SYT9: variants seen among roughly 807,000 people sequenced by gnomAD.
The protein encoded by SYT9 is synaptotagmin 9.
In SYT9, 22 loss-of-function variants were observed where a neutral mutation model predicts 48.4. That is an observed-to-expected ratio of 0.45 (90% CI 0.32 to 0.65). The LOEUF is 0.65. Among genes scored for constraint, SYT9 ranks in the 30% least tolerant of loss-of-function variants. The probability of loss-of-function intolerance (pLI) is 0.03; values close to 1 mark genes in which losing one functional copy is unlikely to be tolerated. For missense variants in SYT9, 577 were observed against 622.0 expected, an observed-to-expected ratio of 0.93 and a Z score of 0.77; for synonymous variants, 265 against 245.0, an observed-to-expected ratio of 1.08 and a Z score of -0.76.
intron 6 of SYT9, chr11:7,440,362 G>A (rs919684682): frequency 1.5e-4 from 23 of 152,196 alleles, no homozygotes; most frequent in African/African-American, 5.3e-4. Context: ...GCACAAATGA[G>A]GAGGACCCCC....
chr11:7,351,032 T>TA (rs993245051), intron 3 of SYT9, among the ~76,000 whole-genome samples: 6 of 152,112 alleles, frequency 3.9e-5, no homozygotes, highest in African/African-American at 1.4e-4. Flanking sequence ...GATTTTGTCT[T>TA]AAAAAAAGTC....
chr11:7,268,844 A>G (rs796605133), intron 1 of SYT9, among the ~76,000 whole-genome samples: 27 of 152,228 alleles, frequency 1.8e-4, no homozygotes, highest in African/African-American at 6.5e-4. Flanking sequence ...CAGTTTTAGA[A>G]CCTTTTCAAC....
At chr11:7,267,880 A>C (rs1848218514) in intron 1 of SYT9, among the ~76,000 whole-genome samples, 2 of 151,984 alleles carry the variant, frequency 1.3e-5, no homozygotes, top group Admixed American at 1.3e-4. Context: ...CACAAATATA[A>C]AGCAAAAAGA....
At chr11:7,404,485 A>G (rs746697178) in intron 3 of SYT9, among the ~76,000 whole-genome samples, 7 of 152,040 alleles carry the variant, frequency 4.6e-5, no homozygotes, top group Non-Finnish European at 7.4e-5. Flanking sequence ...ATTTTAGCCA[A>G]TTCTTTCAGG....
intron 3 of SYT9, among the ~76,000 whole-genome samples, chr11:7,403,343 A>G (rs1846935340): frequency 6.6e-6 from 1 of 152,148 alleles, no homozygotes; most frequent in Admixed American, 6.6e-5. Context: ...TGAGCTCAGG[A>G]GTTCAAGACC....
chr11:7,380,219 T>A (rs1312571876), intron 3 of SYT9, among the ~76,000 whole-genome samples: 1 of 152,024 alleles, frequency 6.6e-6, no homozygotes, highest in African/African-American at 2.4e-5. Context: ...ATGTTCTTAT[T>A]TGTGGGATCT....
chr11:7,303,255 C>T lies in SYT9; in HGVS notation c.362C>T (p.Pro121Leu), dbSNP rs1564853964. 1.9e-6 allele frequency: 3 copies of T among 1,614,046 alleles called. No individual in the cohort carries two copies. Among genetic ancestry groups the T allele is most frequent in the Non-Finnish European group, 2.5e-6 (3 of 1,179,950 alleles). ...NSEDFLDPPT[P>L]CPDSSMKISH... is the part of the protein sequence containing the mutation. Reference sequence around the variant, plus strand: ...GAGGACTTCCTAGATCCTCCCACGCCCTGCCCTGACTCCTCCATGAAGATC... The same window carrying T: ...GAGGACTTCCTAGATCCTCCCACGCTCTGCCCTGACTCCTCCATGAAGATC... Residue 121 changes from proline (P) to leucine (L), a missense_variant, in exon 2 of 7, where the codon CCC becomes CTC. By Grantham distance (98) the Pro-to-Leu change is moderately conservative. Coordinates refer to ENST00000318881, the MANE Select transcript of SYT9 (RefSeq NM_175733.4).
intron 6 of SYT9, among the ~76,000 whole-genome samples, chr11:7,449,400 A>G (rs936792445): frequency 6.6e-6 from 1 of 151,664 alleles, no homozygotes; most frequent in Non-Finnish European, 1.5e-5. Flanking sequence ...GCATAGATGC[A>G]TGGAATGTGA....
chr11:7,370,888 G>C (rs1344761882), intron 3 of SYT9, among the ~76,000 whole-genome samples: 1 of 152,184 alleles, frequency 6.6e-6, no homozygotes, highest in Non-Finnish European at 1.5e-5. Flanking sequence ...AGTCATATGT[G>C]ATTGGGGTTT....
rs1306328371 is a variant in SYT9 at position 7,378,558 on chromosome 11, A to ACATTTGTTCCATGGTAATT, written c.1045-37484_1045-37483insCATTTGTTCCATGGTAATT. Among the ~76,000 whole-genome samples the ACATTTGTTCCATGGTAATT allele has an allele frequency of 2.2e-4, 33 of 152,052 alleles. No homozygotes were observed. The East Asian group carries it at 6.2e-3, about 29-fold the overall frequency. ...TACATGGTAATTGTGATGGAGGAAC[A>ACATTTGTTCCATGGTAATT]GTTGATGGAGATGGAAGAGGGATGA... On this transcript the variant is annotated intron_variant, in intron 3 of 6. Coordinates refer to ENST00000318881, the MANE Select transcript of SYT9 (RefSeq NM_175733.4).
intron 6 of SYT9, among the ~76,000 whole-genome samples, chr11:7,431,851 G>A (rs1847579329): frequency 6.6e-6 from 1 of 152,262 alleles, no homozygotes; most frequent in South Asian, 2.1e-4. Context: ...TGAAGGTTTA[G>A]CAGCTTCTGC....
intron 2 of SYT9, among the ~76,000 whole-genome samples, chr11:7,304,339 T>TA (rs1848996396): frequency 1.3e-5 from 2 of 152,224 alleles, no homozygotes; most frequent in South Asian, 4.1e-4. Flanking sequence ...TCACTGGATA[T>TA]AAAAACTCAT....
chr11:7,410,249 G>A (rs1847110905), intron 3 of SYT9, among the ~76,000 whole-genome samples: 1 of 152,122 alleles, frequency 6.6e-6, no homozygotes, highest in Non-Finnish European at 1.5e-5. Context: ...GAATCGTTTT[G>A]TGACCTAACA....
Position 7,323,212 on chromosome 11 carries a change from A to G in SYT9, c.1044+9271A>G, listed in dbSNP as rs113867451. 2.7e-3 allele frequency among the ~76,000 whole-genome samples: 418 copies of G among 152,226 alleles called. 3 individuals carry two copies. Among genetic ancestry groups the G allele is most frequent in the African/African-American group, 8.9e-3 (370 of 41,558 alleles). On this transcript the variant is annotated intron_variant, in intron 3 of 6. Coordinates refer to ENST00000318881, the MANE Select transcript of SYT9 (RefSeq NM_175733.4). ...ATTTCTGTAAAGTATATACCTAGGA[A>G]TGGAGTTGCTAGGTTGAAGTAAATT...
rs1278961381 is a variant in SYT9 at position 7,407,370 on chromosome 11, T to G, written c.1045-8672T>G. Among the ~76,000 whole-genome samples, 77 of 59,122 alleles carry G rather than the reference T, an allele frequency of 1.3e-3. 6 individuals carry two copies. The highest frequency in any genetic ancestry group is 2.7e-3 in the African/African-American group (13 of 4,836). 38.8% of individuals were successfully genotyped at this position (59,122 alleles called of 152,430 possible). ...ATGTTTAAGTCTATAATTTTTTTTTTTTTTTTTTTTTTTTTTTTTTTGAGA... is the reference window on the plus strand; with the variant it reads ...ATGTTTAAGTCTATAATTTTTTTTTGTTTTTTTTTTTTTTTTTTTTTGAGA... On this transcript the variant is annotated intron_variant, in intron 3 of 6. Coordinates refer to ENST00000318881, the MANE Select transcript of SYT9 (RefSeq NM_175733.4).
chr11:7,253,071 A>C (rs894200043), intron 1 of SYT9, among the ~76,000 whole-genome samples: 3 of 152,224 alleles, frequency 2.0e-5, no homozygotes, highest in African/African-American at 7.2e-5. Flanking sequence ...TGGAAAGTTC[A>C]TTTATTTTGG....
intron 3 of SYT9, among the ~76,000 whole-genome samples, chr11:7,369,340 G>C (rs10769782): frequency 0.19 from 28,529 of 149,282 alleles, 2,909 homozygotes; most frequent in African/African-American, 0.27. Flanking sequence ...TTTTTTTCTT[G>C]TAAATTTGTT....
chr11:7,307,496 C>A (rs931816704), intron 2 of SYT9, among the ~76,000 whole-genome samples: 8 of 152,116 alleles, frequency 5.3e-5, no homozygotes, highest in African/African-American at 1.9e-4. Context: ...CTATTATATC[C>A]ATAGCATTTC....
chr11:7,437,320 C>G (rs142641694), intron 6 of SYT9, among the ~76,000 whole-genome samples: 182 of 152,270 alleles, frequency 1.2e-3, no homozygotes, highest in African/African-American at 4.3e-3. Flanking sequence ...GGCATTGATT[C>G]ACATTTAGAT....
Sources: allele counts gnomAD v4.1 joint callset (sites outside exome capture counted in the v4.1 genomes callset), GRCh38; gene constraint gnomAD v4.1.1; transcripts MANE v1.5; gene names NCBI Gene and HGNC (gene_info 2026-07-23, HGNC 2026-07-21).